DYNC2LI1: variants seen among roughly 807,000 people sequenced by gnomAD.
DYNC2LI1 encodes the protein dynein cytoplasmic 2 light intermediate chain 1, also known as cytoplasmic dynein 2 light intermediate chain 1.
Under a neutral mutation model 51.9 loss-of-function variants are expected in DYNC2LI1, and 45 were observed. The observed-to-expected ratio is 0.87, with a 90% CI of 0.68 to 1.11. The LOEUF is 1.11. Ranked by LOEUF, DYNC2LI1 falls within the 50% of genes most tolerant of loss-of-function variation. The pLI, the probability that DYNC2LI1 is intolerant of heterozygous loss-of-function variation, is 0.00. For missense variants in DYNC2LI1, 490 were observed against 417.4 expected (o/e 1.17, Z -1.51); for synonymous variants, 130 against 137.8 (o/e 0.94, Z 0.40).
chr2:43,785,816 G>C (rs977917902), intron 3 of DYNC2LI1, among the ~76,000 whole-genome samples: 9 of 152,020 alleles, frequency 5.9e-5, no homozygotes, highest in African/African-American at 1.9e-4. Context: ...CCAAGGACTA[G>C]GGGGAAGGGA....
downstream of DYNC2LI1, chr2:43,810,649 G>GAT: frequency 2.5e-6 from 1 of 399,428 alleles, no homozygotes; most frequent in Non-Finnish European, 3.4e-6. Flanking sequence ...TGTCTGAGCA[G>GAT]ATAGCAAGCC....
At position 43,801,646 on chromosome 2, in the gene DYNC2LI1, A is replaced by T. The variant is rs146556307; in HGVS notation, c.739A>T (p.Ile247Leu). ...LAFGIDKSKSICVDQNKPLFI... is the reference protein window; with the variant it reads ...LAFGIDKSKSLCVDQNKPLFI... ...TTTCTCTTCTCCACGTAGCAAATCA[A>T]TATGTGTGGATCAGAATAAACCGCT... The change falls in exon 10 of 13, where the codon ATA becomes TTA. Residue 247 changes from isoleucine (I) to leucine (L), a missense_variant. Ile to Leu is a conservative substitution (Grantham distance 5). Coordinates refer to ENST00000260605, the MANE Select transcript of DYNC2LI1 (RefSeq NM_016008.4). 1.2e-6 allele frequency: 2 copies of T among 1,608,506 alleles called. No individual in the cohort carries two copies. The highest frequency in any genetic ancestry group is 1.7e-6 in the Non-Finnish European group (2 of 1,177,046).
chr2:43,823,260 G>A, the DYNC2LI1 span, among the ~76,000 whole-genome samples: 1 of 151,988 alleles, frequency 6.6e-6, no homozygotes, highest in South Asian at 2.1e-4. Flanking sequence ...TCTTCTTTCT[G>A]TGCAGGATTC....
At chr2:43,826,445 T>C in the DYNC2LI1 span, 4 of 1,614,134 alleles carry the variant, frequency 2.5e-6, no homozygotes, top group Non-Finnish European at 3.4e-6. Context: ...TGCGAGCCAG[T>C]TCCACCAGGA....
rs781115586 is a variant in DYNC2LI1, at chr2:43,794,475, C to T, written c.339C>T (p.Leu113=). 9 of 1,610,732 alleles carry T rather than the reference C, an allele frequency of 5.6e-6. No homozygotes were observed. Among genetic ancestry groups the T allele is most frequent in the African/African-American group, 2.7e-5 (2 of 74,776 alleles). Residue 113 remains leucine, a synonymous_variant, in exon 6 of 13, where the codon CTC becomes CTT. Coordinates refer to ENST00000260605, the MANE Select transcript of DYNC2LI1 (RefSeq NM_016008.4). ...GDTLRTFSLV[L]VLDLSKPNDL... Reference sequence around the variant, plus strand: ...TCTTTAGGACGTTTTCTCTTGTTCTCGTTCTGGATCTTTCAAAACCTAATG... The same window carrying T: ...TCTTTAGGACGTTTTCTCTTGTTCTTGTTCTGGATCTTTCAAAACCTAATG...
chr2:43,795,990 G>T lies in DYNC2LI1; in HGVS notation c.576+32G>T, dbSNP rs192468635. On this transcript the variant is annotated intron_variant, in intron 7 of 12. Coordinates refer to ENST00000260605, the MANE Select transcript of DYNC2LI1 (RefSeq NM_016008.4). Reference sequence around the variant, plus strand: ...TCTTCCGCTTCTAGCTGAGTTTGTTGTACATATATGGCTGTGCTTTTTATG... The same window carrying T: ...TCTTCCGCTTCTAGCTGAGTTTGTTTTACATATATGGCTGTGCTTTTTATG... The T allele has an allele frequency of 3.3e-4, 497 of 1,498,224 alleles. 2 individuals are homozygous for T. In the East Asian group the frequency reaches 8.3e-3, roughly 25 times the overall value. 92.8% of individuals were successfully genotyped at this position (1,498,224 alleles called of 1,614,324 possible).
At chr2:43,800,711 A>G (rs1666048018) in intron 8 of DYNC2LI1, 130 bp from the exon 9 acceptor site, 1 of 500,924 alleles carries the variant, frequency 2.0e-6, no homozygotes. Context: ...CTACTCAAAC[A>G]GAAGTATTTG....
At chr2:43,817,012 A>G in the DYNC2LI1 span, among the ~76,000 whole-genome samples, 3 of 152,212 alleles carry the variant, frequency 2.0e-5, no homozygotes, top group Admixed American at 2.0e-4. Flanking sequence ...GTTCACCCAG[A>G]AAGATGATGA....
chr2:43,806,123 C>A (rs1309258639), intron 12 of DYNC2LI1, among the ~76,000 whole-genome samples: 3 of 152,094 alleles, frequency 2.0e-5, no homozygotes, highest in Non-Finnish European at 4.4e-5. Context: ...ACCTCGTGAT[C>A]CATCCGCCTT....
intron 4 of DYNC2LI1, among the ~76,000 whole-genome samples, chr2:43,788,094 AG>A: frequency 6.6e-6 from 1 of 152,332 alleles, no homozygotes; most frequent in South Asian, 2.1e-4. Context: ...ATGAGTAATA[AG>A]CCTAGAAATG....
At chr2:43,816,728 A>G in the DYNC2LI1 span, among the ~76,000 whole-genome samples, 1 of 152,158 alleles carries the variant, frequency 6.6e-6, no homozygotes, top group African/African-American at 2.4e-5. Flanking sequence ...TATGTTGTTA[A>G]ATGGGAAAAA....
In DYNC2LI1 at chr2:43,801,667, C is replaced by T. The variant is rs751470646; in HGVS notation, c.760C>T (p.Pro254Ser). Reference protein sequence around the residue: ...SKSICVDQNKPLFITAGLDSF... With the variant: ...SKSICVDQNKSLFITAGLDSF... ...ATCAATATGTGTGGATCAGAATAAA[C>T]CGCTGTTTATCACAGCAGGATTGGA... is the stretch of plus-strand genomic sequence containing the variant. The change falls in exon 10 of 13, where the codon CCG becomes TCG. Residue 254 changes from proline (P) to serine (S), a missense_variant. Coordinates refer to ENST00000260605, the MANE Select transcript of DYNC2LI1 (RefSeq NM_016008.4). 8.1e-6 allele frequency: 13 copies of T among 1,610,092 alleles called. No homozygotes were observed. The highest frequency in any genetic ancestry group is 1.7e-4 in the Middle Eastern group (1 of 6,034).
chr2:43,814,721 C>A, downstream of DYNC2LI1: 1 of 599,156 alleles, frequency 1.7e-6, no homozygotes, highest in South Asian at 2.1e-5. Flanking sequence ...AAATGATGCT[C>A]ACTATAAAAA....
At chr2:43,803,014 A>G (rs1410415235) in intron 10 of DYNC2LI1, among the ~76,000 whole-genome samples, 2 of 152,304 alleles carry the variant, frequency 1.3e-5, no homozygotes, top group East Asian at 1.9e-4. Context: ...AAATAGTGAC[A>G]CCACCAAATA....
the DYNC2LI1 span, chr2:43,828,115 C>T: frequency 6.2e-7 from 1 of 1,613,978 alleles, no homozygotes; most frequent in Non-Finnish European, 8.5e-7. Context: ...ACGGCCTCCA[C>T]CTGCAGGAGA....
Position 43,801,583 on chromosome 2 carries a change from C to T in DYNC2LI1, c.732-56C>T, listed in dbSNP as rs114610395. 1,427 of 1,284,236 alleles carry T rather than the reference C, an allele frequency of 1.1e-3. 9 individuals are homozygous for T. In the African/African-American group the frequency reaches 0.018, roughly 17 times the overall value. 79.6% of individuals were successfully genotyped at this position (1,284,236 alleles called of 1,614,324 possible). ...TATTGCTGTCATATTTACAGGAGAG[C>T]GTGGCAGCAAATCTAATTGCTAAAC... On this transcript the variant is annotated intron_variant, in intron 9 of 12. Transcript: ENST00000260605.
chr2:43,797,615 G>A (rs1255600577), intron 8 of DYNC2LI1, among the ~76,000 whole-genome samples: 1 of 149,312 alleles, frequency 6.7e-6, no homozygotes, highest in Non-Finnish European at 1.5e-5. Context: ...TATCTCCTGG[G>A]TTCAAGTGAT....
In DYNC2LI1 at chr2:43,779,118, G is replaced by A. The variant is rs114791900; in HGVS notation, c.126+2219G>A. Among the ~76,000 whole-genome samples, 939 of 152,186 alleles carry A rather than the reference G, an allele frequency of 6.2e-3. 16 individuals carry two copies. The highest frequency in any genetic ancestry group is 0.021 in the African/African-American group (888 of 41,540). ...CCAAAAAAATAAAACAATTAGCCGG[G>A]TGTGGTGGCACTCACCTGTATGTAG... On this transcript the variant is annotated intron_variant, in intron 2 of 12. Transcript: ENST00000260605.
intron 6 of DYNC2LI1, 120 bp from the exon 7 acceptor site, chr2:43,795,770 C>A: frequency 1.4e-6 from 1 of 729,000 alleles, no homozygotes; most frequent in Non-Finnish European, 2.3e-6. Context: ...CTATGTCAAG[C>A]AAATTAAGTA....
Sources: gnomAD v4.1 joint callset for allele counts (sites outside exome capture counted in the v4.1 genomes callset) on GRCh38, gnomAD v4.1.1 for gene constraint, MANE v1.5 for transcripts, NCBI Gene and HGNC (gene_info 2026-07-23, HGNC 2026-07-21) for gene names.